The following MAGI2 variants were observed in gnomAD, a reference collection of about 807,000 sequenced individuals.
MAGI2 encodes the protein membrane-associated guanylate kinase, WW and PDZ domain-containing protein 2.
In MAGI2, 35 loss-of-function variants were observed where a neutral mutation model predicts 133.3. That is an observed-to-expected ratio of 0.26 (90% CI 0.20 to 0.35). MAGI2 has a LOEUF of 0.35. Ranked by LOEUF, MAGI2 falls within the 10% of genes least tolerant of loss-of-function variation. The pLI, the probability that MAGI2 is intolerant of heterozygous loss-of-function variation, is 1.00. For missense variants in MAGI2, 1,636 were observed against 1,863.4 expected, an observed-to-expected ratio of 0.88 and a Z score of 2.25; for synonymous variants, 729 against 710.6, an observed-to-expected ratio of 1.03 and a Z score of -0.41.
At chr7:78,738,697 C>T (rs1045419073) in intron 2 of MAGI2, among the ~76,000 whole-genome samples, 1 of 152,078 alleles carries the variant, frequency 6.6e-6, no homozygotes, top group Admixed American at 6.6e-5. Flanking sequence ...AAGGATGGCT[C>T]AACTTCAATA....
At chr7:79,402,731 G>A (rs749444844) in intron 1 of MAGI2, among the ~76,000 whole-genome samples, 3 of 152,172 alleles carry the variant, frequency 2.0e-5, no homozygotes, top group Non-Finnish European at 4.4e-5. Flanking sequence ...GGAGGCTGAG[G>A]CAGGCGCATT....
chr7:78,128,019 T>C (rs1821170588), intron 18 of MAGI2, among the ~76,000 whole-genome samples: 1 of 152,146 alleles, frequency 6.6e-6, no homozygotes, highest in African/African-American at 2.4e-5. Context: ...TGGCAAGTCA[T>C]TGGACCATTG....
At chr7:78,758,891 C>T (rs554100413) in intron 2 of MAGI2, among the ~76,000 whole-genome samples, 4 of 152,256 alleles carry the variant, frequency 2.6e-5, no homozygotes, top group African/African-American at 7.2e-5. Flanking sequence ...CCCATATATT[C>T]GCATTACTCT....
At chr7:78,548,688 T>A (rs962367788) in intron 3 of MAGI2, among the ~76,000 whole-genome samples, 16 of 152,088 alleles carry the variant, frequency 1.1e-4, no homozygotes, top group Non-Finnish European at 4.4e-5. Context: ...AGAGTGAAAC[T>A]CCGTCTCAAA....
chr7:78,915,723 T>G (rs1484440981), intron 2 of MAGI2, among the ~76,000 whole-genome samples: 1 of 152,056 alleles, frequency 6.6e-6, no homozygotes, highest in South Asian at 2.1e-4. Context: ...TCTTTTTTTT[T>G]CTTTTTTTAA....
intron 1 of MAGI2, among the ~76,000 whole-genome samples, chr7:79,442,740 T>C (rs1848572674): frequency 6.6e-6 from 1 of 150,630 alleles, no homozygotes; most frequent in Non-Finnish European, 1.5e-5. Context: ...CAGCCTTCAC[T>C]CTTCACACAC....
rs1563116801 is a variant in MAGI2 at position 79,324,667 on chromosome 7, AAAATATATATATAT to A, written c.301+128339_301+128352del. ...AAATATATATATATTATATATATAT[AAAATATATATATAT>A]TATATATATATAAAATATATATATA... On this transcript the variant is annotated intron_variant, in intron 1 of 21. Transcript: ENST00000354212. Among the ~76,000 whole-genome samples the A allele has an allele frequency of 1.6e-3, 23 of 14,664 alleles. 2 individuals carry two copies. Among genetic ancestry groups the A allele is most frequent in the African/African-American group, 4.9e-3 (23 of 4,664 alleles). The allele number at this position is 14,664 out of a possible 152,430, so 9.6% of individuals were successfully genotyped here.
At chr7:79,418,075 A>G (rs1008271837) in intron 1 of MAGI2, among the ~76,000 whole-genome samples, 1 of 152,116 alleles carries the variant, frequency 6.6e-6, no homozygotes, top group Non-Finnish European at 1.5e-5. Context: ...TAAGTACCAG[A>G]TGCAAATTCT....
At chr7:79,446,809 G>T (rs554928452) in intron 1 of MAGI2, among the ~76,000 whole-genome samples, 3 of 152,194 alleles carry the variant, frequency 2.0e-5, no homozygotes. Flanking sequence ...ACATTAACCG[G>T]GCGTGGATGG....
intron 13 of MAGI2, among the ~76,000 whole-genome samples, chr7:78,179,368 C>G (rs1826969316): frequency 6.6e-6 from 1 of 152,164 alleles, no homozygotes. Flanking sequence ...TGAATGCTGG[C>G]CAGGCAAATA....
At chr7:78,557,097 A>AAAAAAAAAAAAAAAAAAAAGAAAG (rs1554473311) in intron 3 of MAGI2, among the ~76,000 whole-genome samples, 35 of 138,984 alleles carry the variant, frequency 2.5e-4, no homozygotes, top group African/African-American at 8.6e-4. Context: ...AAAAAAAAAA[A>AAAAAAAAAAAAAAAAAAAAGAAAG]AAAGAAAAAG....
intron 9 of MAGI2, among the ~76,000 whole-genome samples, chr7:78,305,022 T>A (rs1193474378): frequency 6.6e-6 from 1 of 152,200 alleles, no homozygotes; most frequent in Non-Finnish European, 1.5e-5. Flanking sequence ...TACACCAGAA[T>A]GTTGGCTGCA....
rs180759353 is a variant in MAGI2, at chr7:78,938,376, T to A, written c.418+68714A>T. ...GATAATGTGAAAATAGTCACCATAT[T>A]GCGTATAGTAAAAAAAAATTAGGAT... is the stretch of plus-strand genomic sequence containing the variant. On this transcript the variant is annotated intron_variant, in intron 2 of 21. Transcript: ENST00000354212. Among the ~76,000 whole-genome samples the A allele has an allele frequency of 1.1e-4, 17 of 152,226 alleles. No homozygotes were observed. The East Asian group carries it at 3.3e-3, about 29-fold the overall frequency.
chr7:78,613,433 C>G (rs1225652001), intron 3 of MAGI2, among the ~76,000 whole-genome samples: 1 of 152,104 alleles, frequency 6.6e-6, no homozygotes, highest in African/African-American at 2.4e-5. Flanking sequence ...GAGCCAGAAC[C>G]AAGAAACAAG....
chr7:78,384,617 G>T (rs1387420253), intron 6 of MAGI2, among the ~76,000 whole-genome samples: 1 of 152,134 alleles, frequency 6.6e-6, no homozygotes, highest in Admixed American at 6.5e-5. Flanking sequence ...TATTTTTCTA[G>T]TGAAGCAGCC....
chr7:78,959,335 T>C (rs961560530), intron 2 of MAGI2, among the ~76,000 whole-genome samples: 2 of 152,120 alleles, frequency 1.3e-5, no homozygotes, highest in African/African-American at 4.8e-5. Context: ...CATTGTAGTG[T>C]GCTGCCAAAC....
At chr7:78,281,027 C>CAAAG (rs916476980) in intron 9 of MAGI2, among the ~76,000 whole-genome samples, 4 of 152,008 alleles carry the variant, frequency 2.6e-5, no homozygotes, top group African/African-American at 7.2e-5. Context: ...TGCTATCCTT[C>CAAAG]AAAGAGTCAT....
intron 16 of MAGI2, chr7:78,159,717 C>T (rs1824778272): frequency 4.9e-6 from 1 of 204,126 alleles, no homozygotes; most frequent in African/African-American, 2.3e-5. Flanking sequence ...AAGCACCCCT[C>T]CTTTCAAGGC....
At chr7:79,369,266 T>C (rs759449082) in intron 1 of MAGI2, among the ~76,000 whole-genome samples, 4 of 152,166 alleles carry the variant, frequency 2.6e-5, no homozygotes, top group South Asian at 2.1e-4. Context: ...GGCAATTCTA[T>C]TGCAGGTACC....
Sources: allele counts gnomAD v4.1 joint callset (sites outside exome capture counted in the v4.1 genomes callset), GRCh38; gene constraint gnomAD v4.1.1; transcripts MANE v1.5; gene names NCBI Gene and HGNC (gene_info 2026-07-23, HGNC 2026-07-21).